The following ANK3 variants were observed in gnomAD, a reference collection of about 807,000 sequenced individuals.
ANK3 encodes the protein ankyrin-3.
Under a neutral mutation model 370.9 loss-of-function variants are expected in ANK3, and 57 were observed. The observed-to-expected ratio is 0.15, with a 90% confidence interval of 0.12 to 0.19. The LOEUF (loss-of-function observed/expected upper bound fraction) is 0.19. Among genes scored for constraint, ANK3 ranks in the 10% least tolerant of loss-of-function variants. The probability of loss-of-function intolerance (pLI) is 1.00; values close to 1 mark genes in which losing one functional copy is unlikely to be tolerated. For missense variants in ANK3, 4,439 were observed against 5,302.1 expected (o/e 0.84, Z 5.06); for synonymous variants, 1,929 against 1,946.3 (o/e 0.99, Z 0.23).
At chr10:60,525,605 G>A (rs1203243413) in intron 2 of ANK3, among the ~76,000 whole-genome samples, 1 of 152,066 alleles carries the variant, frequency 6.6e-6, no homozygotes, top group African/African-American at 2.4e-5. Context: ...TATGACTGTA[G>A]TCCTTTCTGG....
chr10:60,140,841 G>A (rs1306684585), intron 23 of ANK3: 2 of 992,034 alleles, frequency 2.0e-6, no homozygotes, highest in Non-Finnish European at 2.4e-6. Flanking sequence ...AACCAAGACA[G>A]CCTTCATGTA....
chr10:60,443,422 C>G (rs1244476604), intron 2 of ANK3, among the ~76,000 whole-genome samples: 1 of 151,974 alleles, frequency 6.6e-6, no homozygotes, highest in African/African-American at 2.4e-5. Context: ...GCATCATATT[C>G]CTTCTGGGAG....
intron 21 of ANK3, 138 bp from the exon 22 acceptor site, chr10:60,167,034 T>C (rs771883972): frequency 2.7e-6 from 2 of 737,236 alleles, no homozygotes; most frequent in Admixed American, 5.2e-5. Context: ...TAAAATAACA[T>C]CAAAATTGTT....
chr10:60,690,571 T>C (rs1474846117), intron 1 of ANK3, among the ~76,000 whole-genome samples: 1 of 152,148 alleles, frequency 6.6e-6, no homozygotes, highest in Non-Finnish European at 1.5e-5. Context: ...GAAACATAAA[T>C]TTTTGAAAAA....
intron 9 of ANK3, among the ~76,000 whole-genome samples, chr10:60,210,917 C>T (rs1435902623): frequency 1.3e-5 from 2 of 152,112 alleles, no homozygotes; most frequent in East Asian, 3.9e-4. Flanking sequence ...GTAGCACTAC[C>T]CAATTTCCAT....
chr10:60,665,544 G>A (rs2078985689), intron 1 of ANK3, among the ~76,000 whole-genome samples: 1 of 152,078 alleles, frequency 6.6e-6, no homozygotes, highest in African/African-American at 2.4e-5. Context: ...GAGAAGGGTG[G>A]TATTCTAGAC....
chr10:60,402,949 T>A (rs1326673754), intron 2 of ANK3, among the ~76,000 whole-genome samples: 1 of 152,130 alleles, frequency 6.6e-6, no homozygotes, highest in Non-Finnish European at 1.5e-5. Flanking sequence ...TGTTATGCAG[T>A]GCAAGTAACT....
chr10:60,528,116 T>C lies in ANK3; in HGVS notation c.96+87070A>G, dbSNP rs142351746. Among the ~76,000 whole-genome samples, 1,347 of 148,092 alleles carry C rather than the reference T, an allele frequency of 9.1e-3. 21 individuals are homozygous for C. Among genetic ancestry groups the C allele is most frequent in the African/African-American group, 0.031 (1,281 of 40,754 alleles). ...CCTTTATAAAAGTCAATGTTTTTTCTTTTTTTCTTTTCTTCTTCTTCTTTT... is the reference window on the plus strand; with the variant it reads ...CCTTTATAAAAGTCAATGTTTTTTCCTTTTTTCTTTTCTTCTTCTTCTTTT... On this transcript the variant is annotated intron_variant, in intron 2 of 43. Transcript: ENST00000373827.
chr10:60,408,993 T>C (rs2063507564), intron 2 of ANK3, among the ~76,000 whole-genome samples: 1 of 152,212 alleles, frequency 6.6e-6, no homozygotes, highest in Non-Finnish European at 1.5e-5. Context: ...ATTATGTGGC[T>C]TCTGCCTGAC....
At chr10:60,296,343 T>A (rs113676452) in intron 1 of ANK3, among the ~76,000 whole-genome samples, 2 of 152,126 alleles carry the variant, frequency 1.3e-5, no homozygotes, top group Non-Finnish European at 2.9e-5. Flanking sequence ...GCCAAAAAGA[T>A]AGCATGAGAA....
In ANK3 at chr10:60,166,615, C is replaced by T. The variant is rs775014916; in HGVS notation, c.2590G>A (p.Glu864Lys). 18 of 1,613,600 alleles carry T rather than the reference C, an allele frequency of 1.1e-5. No homozygotes were observed. In the Admixed American group the frequency reaches 1.5e-4, roughly 13 times the overall value. The change falls in exon 23 of 44, where the codon GAA becomes AAA. Residue 864 changes from glutamate (E) to lysine (K), a missense_variant. Glu to Lys is a moderately conservative substitution (Grantham distance 56, BLOSUM62 1). Transcript: ENST00000280772. ...CCTTCTTCAACATCTGAGATATATT[C>T]GCCATCACTGAGCATTTCAGGGGCA... The part of the protein sequence containing the change: ...ANAPEMLSDG[E>K]YISDVEEGED...
chr10:60,213,146 GAAA>G (rs1281659701), intron 9 of ANK3, among the ~76,000 whole-genome samples: 6 of 152,044 alleles, frequency 3.9e-5, no homozygotes, highest in African/African-American at 9.7e-5. Flanking sequence ...TCTGAGCTAT[GAAA>G]ATTTCACAGA....
At position 60,690,179 on chromosome 10, in the gene ANK3, G is replaced by A. The variant is rs577800064; in HGVS notation, c.57+43084C>T. ...TCCCAGCAAGATCAAAGCAGAAAAC[G>A]GGTGATTTCTGCATTTCCAACTGAG... is the stretch of plus-strand genomic sequence containing the variant. On this transcript the variant is annotated intron_variant, in intron 1 of 43. Transcript: ENST00000373827. Among the ~76,000 whole-genome samples the A allele has an allele frequency of 8.5e-5, 13 of 152,292 alleles. No individual in the cohort carries two copies. The South Asian group carries it at 1.7e-3, about 19-fold the overall frequency.
At chr10:60,228,192 A>T (rs534056811) in intron 8 of ANK3, among the ~76,000 whole-genome samples, 2 of 152,198 alleles carry the variant, frequency 1.3e-5, no homozygotes, top group South Asian at 2.1e-4. Context: ...CTATGAATAC[A>T]TGAGAGAATT....
intron 12 of ANK3, among the ~76,000 whole-genome samples, chr10:60,202,028 T>C (rs2096686502): frequency 6.6e-6 from 1 of 151,952 alleles, no homozygotes; most frequent in South Asian, 2.1e-4. Context: ...ATCACTTCTT[T>C]GTATAAACGA....
intron 7 of ANK3, among the ~76,000 whole-genome samples, chr10:60,256,579 T>C (rs1446373317): frequency 6.6e-6 from 1 of 152,222 alleles, no homozygotes; most frequent in African/African-American, 2.4e-5. Context: ...ACGAAAGATC[T>C]CATCACCTAG....
chr10:60,595,840 A>T (rs1459760179), intron 2 of ANK3, among the ~76,000 whole-genome samples: 1 of 152,162 alleles, frequency 6.6e-6, no homozygotes, highest in Non-Finnish European at 1.5e-5. Context: ...GATTTCTTTC[A>T]CTGTCATAAT....
chr10:60,429,580 G>C (rs916033624), intron 2 of ANK3, among the ~76,000 whole-genome samples: 1 of 152,190 alleles, frequency 6.6e-6, no homozygotes, highest in Non-Finnish European at 1.5e-5. Context: ...TGACAGAATA[G>C]AGATGAACAG....
chr10:60,277,598 T>C (rs781709460), intron 4 of ANK3, among the ~76,000 whole-genome samples: 2 of 152,222 alleles, frequency 1.3e-5, no homozygotes, highest in Non-Finnish European at 2.9e-5. Flanking sequence ...ATTTAATCTA[T>C]GTATTTTCAA....
Sources: gnomAD v4.1 joint callset for allele counts (sites outside exome capture counted in the v4.1 genomes callset) on GRCh38, gnomAD v4.1.1 for gene constraint, MANE v1.5 for transcripts, NCBI Gene and HGNC (gene_info 2026-07-23, HGNC 2026-07-21) for gene names.